Variants in DENND6A observed in about 807,000 individuals in gnomAD.
DENND6A encodes the protein DENN domain containing 6A.
In DENND6A, 43 loss-of-function variants were observed where a neutral mutation model predicts 95.5. The ratio of observed to expected loss-of-function variants is 0.45; its 90% CI spans 0.35 to 0.58. DENND6A has a LOEUF of 0.58. DENND6A is among the 20% of genes least tolerant of loss of function. DENND6A has a pLI of 0.00. For missense variants in DENND6A, 574 were observed against 736.0 expected (o/e 0.78, Z 2.55); for synonymous variants, 257 against 260.4 (o/e 0.99, Z 0.13).
intron 14 of DENND6A, 60 bp from the exon 15 acceptor site, chr3:57,633,414 A>G: frequency 7.4e-7 from 1 of 1,346,340 alleles, no homozygotes; most frequent in South Asian, 1.2e-5. Flanking sequence ...ACAATGGATA[A>G]CTATCAGATT....
rs2071133970 is a variant in DENND6A, at chr3:57,648,845, TC to T, written c.819-2408del. ...AAGAATGAAACTGGATCCTCATCTC[TC>T]ATCCTTTACAAAAACAAACTCAAGA... On this transcript the variant is annotated intron_variant, in intron 9 of 19. Transcript: ENST00000311128. Among the ~76,000 whole-genome samples the T allele has an allele frequency of 2.0e-5, 3 of 152,302 alleles. No individual in the cohort carries two copies. In the South Asian group the frequency reaches 6.2e-4, roughly 32 times the overall value.
At chr3:57,633,073 A>G (rs534253698) in intron 15 of DENND6A, among the ~76,000 whole-genome samples, 192 bp downstream of exon 15, 1 of 152,322 alleles carries the variant, frequency 6.6e-6, no homozygotes, top group East Asian at 1.9e-4. Flanking sequence ...AGAGGGAGTG[A>G]CTTACCAAAG....
chr3:57,644,782 AGGGGT>A (rs1559811047), intron 11 of DENND6A, among the ~76,000 whole-genome samples: 2 of 2,322 alleles, frequency 8.6e-4, no homozygotes, highest in African/African-American at 2.7e-3. Context: ...AGGGGAGGGG[AGGGGT>A]GGGGAGGGGA....
intron 9 of DENND6A, among the ~76,000 whole-genome samples, chr3:57,649,530 TA>T (rs11373872): frequency 1.0e-4 from 14 of 139,138 alleles, no homozygotes; most frequent in Admixed American, 1.4e-4. Context: ...AAGGAAGTCA[TA>T]AAAAAAAAAA....
intron 9 of DENND6A, among the ~76,000 whole-genome samples, chr3:57,651,969 T>C (rs1575835751): frequency 2.0e-5 from 3 of 151,978 alleles, no homozygotes; most frequent in Non-Finnish European, 1.5e-5. Flanking sequence ...AACACCTAGG[T>C]GGGAGGATCA....
chr3:57,641,158 A>AAT (rs1203381511), intron 12 of DENND6A, among the ~76,000 whole-genome samples: 1 of 145,914 alleles, frequency 6.9e-6, no homozygotes, highest in Non-Finnish European at 1.5e-5. Context: ...TGGGCTTTTA[A>AAT]ATATATATAT....
chr3:57,626,157 A>G lies in DENND6A; in HGVS notation c.*2057T>C, dbSNP rs922271984. On this transcript the variant is annotated 3_prime_UTR_variant, in exon 20 of 20. Transcript: ENST00000311128. ...GCAAACGATTTCTTTCAAATGCCAT[A>G]TTCTCTCTATGACTTTGAGGTATGC... The G allele has an allele frequency of 6.6e-6, 1 of 152,632 alleles. No homozygotes were observed. The highest frequency in any genetic ancestry group is 2.4e-5 in the African/African-American group (1 of 41,442). The allele number at this position is 152,632 out of a possible 1,614,324, so 9.5% of individuals were successfully genotyped here. A position where few individuals can be genotyped will look rare whatever the true frequency, so the allele number is the denominator to read the frequency against.
At chr3:57,671,821 T>C (rs894671400) in intron 3 of DENND6A, among the ~76,000 whole-genome samples, 5 of 152,212 alleles carry the variant, frequency 3.3e-5, no homozygotes, top group Non-Finnish European at 2.9e-5. Context: ...TATTAACCCA[T>C]ATAAACTACT....
chr3:57,669,043 T>A (rs1378912212), intron 3 of DENND6A, among the ~76,000 whole-genome samples: 1 of 152,118 alleles, frequency 6.6e-6, no homozygotes, highest in Non-Finnish European at 1.5e-5. Context: ...CAGCTAATTT[T>A]GTATATTCAG....
At chr3:57,670,306 A>G (rs1357529809) in intron 3 of DENND6A, among the ~76,000 whole-genome samples, 2 of 152,192 alleles carry the variant, frequency 1.3e-5, no homozygotes, top group African/African-American at 2.4e-5. Context: ...AAAAAAAGTA[A>G]AAACCCAAAG....
At chr3:57,635,106 G>A (rs1340276403) in intron 12 of DENND6A, among the ~76,000 whole-genome samples, 2 of 152,098 alleles carry the variant, frequency 1.3e-5, no homozygotes, top group Admixed American at 6.6e-5. Flanking sequence ...TGAAAATTTA[G>A]ATGCTGAATA....
In DENND6A at chr3:57,664,327, A is replaced by G. The variant is rs1350020847; in HGVS notation, c.433-611T>C. 2.6e-5 allele frequency among the ~76,000 whole-genome samples: 4 copies of G among 152,246 alleles called. No homozygotes were observed. In the East Asian group the frequency reaches 7.7e-4, roughly 29 times the overall value. On this transcript the variant is annotated intron_variant, in intron 4 of 19. Transcript: ENST00000311128. ...ATGAAGCATAACAATGTTTATCAAC[A>G]TACAATCTGAAAGGTAATTGCATTC...
intron 1 of DENND6A, among the ~76,000 whole-genome samples, chr3:57,686,805 C>T (rs1311266929): frequency 6.6e-6 from 1 of 152,138 alleles, no homozygotes; most frequent in Non-Finnish European, 1.5e-5. Flanking sequence ...CTCCCTATTC[C>T]GTAAGACACA....
chr3:57,673,375 C>T (rs776829584), intron 1 of DENND6A, among the ~76,000 whole-genome samples: 1 of 151,470 alleles, frequency 6.6e-6, no homozygotes, highest in Admixed American at 6.6e-5. Flanking sequence ...GAGGAACTCA[C>T]AGAGATAGAA....
chr3:57,637,377 A>G (rs1277679764), intron 12 of DENND6A, among the ~76,000 whole-genome samples: 1 of 152,240 alleles, frequency 6.6e-6, no homozygotes, highest in Admixed American at 6.5e-5. Flanking sequence ...CAATCCCTTT[A>G]TATCAGGAGG....
chr3:57,673,057 T>C (rs555260011), intron 1 of DENND6A, among the ~76,000 whole-genome samples: 4 of 150,432 alleles, frequency 2.7e-5, no homozygotes, highest in Non-Finnish European at 5.9e-5. Context: ...TCTACTAAAA[T>C]ACAAAAATTA....
chr3:57,674,316 C>G (rs939275245), intron 1 of DENND6A, among the ~76,000 whole-genome samples: 1 of 150,900 alleles, frequency 6.6e-6, no homozygotes, highest in Non-Finnish European at 1.5e-5. Flanking sequence ...GAGGTTGCAG[C>G]GAGCCAAGAT....
intron 12 of DENND6A, among the ~76,000 whole-genome samples, chr3:57,637,809 A>C (rs1019135711): frequency 3.7e-4 from 23 of 62,558 alleles, no homozygotes; most frequent in African/African-American, 7.3e-4. Context: ...AGAAAACAAA[A>C]AAAATAAATA....
At chr3:57,669,156 G>A (rs917898762) in intron 3 of DENND6A, among the ~76,000 whole-genome samples, 1 of 152,114 alleles carries the variant, frequency 6.6e-6, no homozygotes, top group Non-Finnish European at 1.5e-5. Flanking sequence ...ACAGGTGTGA[G>A]CAACTGCACC....
Sources: gnomAD v4.1 joint callset for allele counts (sites outside exome capture counted in the v4.1 genomes callset) on GRCh38, gnomAD v4.1.1 for gene constraint, MANE v1.5 for transcripts, NCBI Gene and HGNC (gene_info 2026-07-23, HGNC 2026-07-21) for gene names.